GOT1L1: variants seen among roughly 807,000 people sequenced by gnomAD.
GOT1L1 encodes glutamic-oxaloacetic transaminase 1 like 1.
Under a neutral mutation model 43.6 loss-of-function variants are expected in GOT1L1, and 38 were observed. The ratio of observed to expected loss-of-function variants is 0.87; its 90% CI spans 0.67 to 1.14. The LOEUF (loss-of-function observed/expected upper bound fraction) is 1.14. Among genes scored for constraint, GOT1L1 ranks in the 50% most tolerant of loss-of-function variants. The probability of loss-of-function intolerance (pLI) is 0.00; values close to 1 mark genes in which losing one functional copy is unlikely to be tolerated. For synonymous variants in GOT1L1, 183 were observed against 187.2 expected (o/e 0.98, Z 0.18); for missense variants, 482 against 504.0 (o/e 0.96, Z 0.42).
In GOT1L1 at chr8:37,935,953, C is replaced by A. The variant is rs146067573; in HGVS notation, c.764-84G>T. On this transcript the variant is annotated intron_variant, in intron 6 of 8. Transcript: ENST00000307599. ...ACCTAGATCTCAACCCCCAACCTTG[C>A]AGAAGAAAGGGTTGAACCACAAGGC... 2.7e-6 allele frequency: 4 copies of A among 1,483,286 alleles called. No individual in the cohort carries two copies. In the East Asian group the frequency reaches 9.9e-5, roughly 37 times the overall value. 91.9% of individuals were successfully genotyped at this position (1,483,286 alleles called of 1,614,324 possible). A position where few individuals can be genotyped will look rare whatever the true frequency, so the allele number is the denominator to read the frequency against.
At chr8:37,939,430 AAATATATATAT>A (rs1440595100) in intron 1 of GOT1L1, among the ~76,000 whole-genome samples, 5 of 59,452 alleles carry the variant, frequency 8.4e-5, no homozygotes, top group African/African-American at 4.2e-4. Flanking sequence ...AAAAAAAAAA[AAATATATATAT>A]ATATATATAT....
At chr8:37,936,016 G>A (rs778658319) in intron 6 of GOT1L1, 147 bp from the exon 7 acceptor site, 19 of 825,760 alleles carry the variant, frequency 2.3e-5, no homozygotes, top group Admixed American at 7.4e-5. Flanking sequence ...TTCAGGCTCC[G>A]GGAAGTTGCC....
chr8:37,939,457 T>C (rs1288306216), intron 1 of GOT1L1, among the ~76,000 whole-genome samples: 15 of 105,444 alleles, frequency 1.4e-4, no homozygotes, highest in Non-Finnish European at 2.3e-4. Flanking sequence ...TATATATATA[T>C]ATATATATAT....
rs759504357 is a variant in GOT1L1, at chr8:37,937,701, C to T, written c.346G>A (p.Val116Ile). Residue 116 changes from valine (V) to isoleucine (I), a missense_variant, in exon 3 of 9, where the codon GTC becomes ATC. Val to Ile is a conservative substitution (Grantham distance 29). Coordinates refer to ENST00000307599, the MANE Select transcript of GOT1L1 (RefSeq NM_152413.3). Reference protein sequence around the residue: ...VGDSGAFQLGVQFLRAWHKDA... With the variant: ...VGDSGAFQLGIQFLRAWHKDA... ...TTATGCCAAGCTCTGAGAAACTGGA[C>T]GCCAAGCTGGAAGGCACCACTGTCA... is the stretch of plus-strand genomic sequence containing the variant. 4.6e-5 allele frequency: 74 copies of T among 1,613,118 alleles called. 2 individuals are homozygous for T. The South Asian group carries it at 4.8e-4, about 11-fold the overall frequency.
intron 7 of GOT1L1, 92 bp downstream of exon 7, chr8:37,935,612 G>T: frequency 8.3e-7 from 1 of 1,210,842 alleles, no homozygotes; most frequent in South Asian, 1.7e-5. Flanking sequence ...ACATGGGCAG[G>T]AGAGAAGCAC....
Position 37,937,008 on chromosome 8 carries a change from T to C in GOT1L1, c.569A>G (p.Lys190Arg). 1 of 1,613,956 alleles carries C rather than the reference T, an allele frequency of 6.2e-7. No homozygotes were observed. Among genetic ancestry groups the C allele is most frequent in the South Asian group, 1.1e-5 (1 of 91,084 alleles). ...VLVMGNIIDCKLTPSGWAKLM... is the reference protein window; with the variant it reads ...VLVMGNIIDCRLTPSGWAKLM... ...CTTTGCCCACCCACTTGGTGTCAACTTGCAGTCGATAATGTTCCCCATCAC... is the reference window on the plus strand; with the variant it reads ...CTTTGCCCACCCACTTGGTGTCAACCTGCAGTCGATAATGTTCCCCATCAC... The change falls in exon 5 of 9, where the codon AAG becomes AGG. Residue 190 changes from lysine (K) to arginine (R), a missense_variant. Lys to Arg is a conservative substitution (Grantham distance 26, BLOSUM62 2). Transcript: ENST00000307599.
In GOT1L1 at chr8:37,935,110, G is replaced by C. The variant is rs28589845; in HGVS notation, c.1035C>G (p.Thr345=). The C allele has an allele frequency of 1.2e-6, 2 of 1,613,472 alleles. No individual in the cohort carries two copies. Among genetic ancestry groups the C allele is most frequent in the African/African-American group, 2.7e-5 (2 of 74,874 alleles). The change falls in exon 8 of 9, where the codon ACC becomes ACG. Residue 345 remains threonine (T), a synonymous_variant. Coordinates refer to ENST00000307599, the MANE Select transcript of GOT1L1 (RefSeq NM_152413.3). ...GATAGCCGTGGGTCCCACTCTGCTC[G>C]GTGATGTGACCCCAGGACCCAGGGG... ...LGTPGSWGHI[T]EQSGTHGYLG...
chr8:37,934,543 G>A (rs1002910034), intron 8 of GOT1L1, 57 bp from the exon 9 acceptor site: 365 of 1,224,526 alleles, frequency 3.0e-4, no homozygotes, highest in Non-Finnish European at 4.0e-4. Context: ...TTCTCCTCTA[G>A]CCCAGGCTGG....
In GOT1L1 at chr8:37,934,419, G is replaced by A; in HGVS notation, c.1140C>T (p.Phe380=). Residue 380 remains phenylalanine (F), a synonymous_variant, in exon 9 of 9, where the codon TTC becomes TTT. Coordinates refer to ENST00000307599, the MANE Select transcript of GOT1L1 (RefSeq NM_152413.3). ...TTATGTTGTTGGCATTGATACAGCT[G>A]AAGTTAATCTGACCGTTCTTGGGGA... is the stretch of plus-strand genomic sequence containing the variant. ...IYIPKNGQIN[F]SCINANNINY... 1 of 1,613,786 alleles carries A rather than the reference G, an allele frequency of 6.2e-7. No individual in the cohort carries two copies. Among genetic ancestry groups the A allele is most frequent in the Non-Finnish European group, 8.5e-7 (1 of 1,179,712 alleles).
intron 8 of GOT1L1, 147 bp downstream of exon 8, chr8:37,934,926 G>T (rs1187993323): frequency 1.2e-6 from 1 of 862,386 alleles, no homozygotes; most frequent in Non-Finnish European, 1.8e-6. Context: ...TGGGGGTCCA[G>T]AAGTGTCTTT....
At chr8:37,939,239 A>G (rs577506617) in intron 1 of GOT1L1, among the ~76,000 whole-genome samples, 7 of 150,420 alleles carry the variant, frequency 4.7e-5, no homozygotes, top group Non-Finnish European at 8.9e-5. Context: ...ACATGATGAA[A>G]CCCTGTCTCT....
At chr8:37,936,132 T>TTTTTTA (rs372141435) in intron 6 of GOT1L1, among the ~76,000 whole-genome samples, 2,122 of 152,094 alleles carry the variant, frequency 0.014, 52 homozygotes, top group African/African-American at 0.044. Context: ...TTTCCTTTCC[T>TTTTTTA]TTTTTATTTT....
At chr8:37,935,030 C>A in intron 8 of GOT1L1, 43 bp downstream of exon 8, 1 of 1,610,018 alleles carries the variant, frequency 6.2e-7, no homozygotes, top group Admixed American at 1.7e-5. Context: ...CAAATACAGG[C>A]CAAAGGTCAG....
At chr8:37,934,515 G>A (rs1013209941) in intron 8 of GOT1L1, 29 bp from the exon 9 acceptor site, 11 of 1,529,986 alleles carry the variant, frequency 7.2e-6, no homozygotes, top group South Asian at 2.3e-5. Flanking sequence ...CTCAGATCTC[G>A]AGACTGGCCA....
chr8:37,940,055 CTA>C lies in GOT1L1; in HGVS notation c.-28_-27del. 1 of 1,601,170 alleles carries C rather than the reference CTA, an allele frequency of 6.2e-7. No homozygotes were observed. The highest frequency in any genetic ancestry group is 8.5e-7 in the Non-Finnish European group (1 of 1,173,374). ...AACTGAAACGAAACTGGAGCCAAGACTATGTGTCTCTGCTCCTGTGTTCCGCT... is the reference window on the plus strand; with the variant it reads ...AACTGAAACGAAACTGGAGCCAAGACTGTGTCTCTGCTCCTGTGTTCCGCT... On this transcript the variant is annotated 5_prime_UTR_variant, in exon 1 of 9. Transcript: ENST00000307599.
At chr8:37,935,351 G>C (rs1807716195) in intron 7 of GOT1L1, 136 bp from the exon 8 acceptor site, 1 of 936,560 alleles carries the variant, frequency 1.1e-6, no homozygotes, top group East Asian at 2.7e-5. Flanking sequence ...TTATGAGTGG[G>C]AGGGAGGTTT....
intron 1 of GOT1L1, among the ~76,000 whole-genome samples, chr8:37,939,429 A>AG (rs1554537556): frequency 1.9e-5 from 1 of 52,758 alleles, no homozygotes; most frequent in Non-Finnish European, 3.6e-5. Context: ...AAAAAAAAAA[A>AG]AAATATATAT....
rs1379567566 is a variant in GOT1L1, at chr8:37,935,818, A to C, written c.815T>G (p.Leu272Arg). 1 of 1,613,038 alleles carries C rather than the reference A, an allele frequency of 6.2e-7. No individual in the cohort carries two copies. Among genetic ancestry groups the C allele is most frequent in the Non-Finnish European group, 8.5e-7 (1 of 1,179,462 alleles). The change falls in exon 7 of 9, where the codon CTG (leucine) becomes CGG (arginine). Residue 272 changes from leucine (L) to arginine (R), a missense_variant. By Grantham distance (102) the Leu-to-Arg change is moderately radical. Coordinates refer to ENST00000307599, the MANE Select transcript of GOT1L1 (RefSeq NM_152413.3). ...TCCTTCCAGCTGGGAGAGGACACAC[A>C]GCAGCTGCTGGTTGTTGACTGCCAC... Reference protein sequence around the residue: ...VVVAVNNQQLLCVLSQLEGLA... With the variant: ...VVVAVNNQQLRCVLSQLEGLA...
intron 8 of GOT1L1, 115 bp downstream of exon 8, chr8:37,934,958 G>T: frequency 8.4e-7 from 1 of 1,186,062 alleles, no homozygotes; most frequent in Non-Finnish European, 1.2e-6. Context: ...TTTTCCAGAG[G>T]ACAGAATCAA....
Sources: gnomAD v4.1 joint callset for allele counts (sites outside exome capture counted in the v4.1 genomes callset) on GRCh38, gnomAD v4.1.1 for gene constraint, MANE v1.5 for transcripts, NCBI Gene and HGNC (gene_info 2026-07-23, HGNC 2026-07-21) for gene names.